The following TENM1 variants were observed in gnomAD, a reference collection of about 807,000 sequenced individuals.
TENM1 encodes teneurin-1.
TENM1 carries 35 observed loss-of-function variants against 174.8 expected under a neutral mutation model. The observed-to-expected ratio is 0.20, with a 90% CI of 0.15 to 0.27. The LOEUF (loss-of-function observed/expected upper bound fraction) is 0.27, where lower values mean the gene tolerates loss of function less well. TENM1 is among the 10% of genes least tolerant of loss of function. The pLI, the probability that TENM1 is intolerant of heterozygous loss-of-function variation, is 1.00. For missense variants in TENM1, 1,633 were observed against 2,130.1 expected, an observed-to-expected ratio of 0.77 and a Z score of 4.59; for synonymous variants, 781 against 798.7, an observed-to-expected ratio of 0.98 and a Z score of 0.37.
At chrX:124,490,022 T>G (rs1171734712) in intron 20 of TENM1, among the ~76,000 whole-genome samples, 1 of 111,775 alleles carries the variant, frequency 8.9e-6, no homozygotes, top group Admixed American at 9.5e-5. Flanking sequence ...TGTCCTGTTT[T>G]AGGGCCCTGT....
At chrX:125,060,757 T>C in the TENM1 span, among the ~76,000 whole-genome samples, 1 of 110,609 alleles carries the variant, frequency 9.0e-6, no homozygotes, top group Admixed American at 9.7e-5. Context: ...AACTTCCCTC[T>C]GGGAACCATA....
the TENM1 span, among the ~76,000 whole-genome samples, chrX:124,974,458 G>C: frequency 1.8e-5 from 2 of 111,587 alleles, no homozygotes; most frequent in Non-Finnish European, 3.8e-5. Context: ...AAACTGATTT[G>C]ACTCAATTGC....
chrX:124,612,269 C>T (rs1013244292), intron 11 of TENM1, among the ~76,000 whole-genome samples: 4 of 110,420 alleles, frequency 3.6e-5, no homozygotes, highest in Non-Finnish European at 7.6e-5. Context: ...ACATCAAAAC[C>T]ACTGGGGTGG....
intron 11 of TENM1, among the ~76,000 whole-genome samples, chrX:124,587,275 C>G (rs961265070): frequency 1.8e-5 from 2 of 110,422 alleles, no homozygotes; most frequent in Non-Finnish European, 3.8e-5. Flanking sequence ...ATCATGCTAC[C>G]TGACTTCAAA....
intron 1 of TENM1, among the ~76,000 whole-genome samples, chrX:124,910,351 A>G (rs1268208558): frequency 8.9e-6 from 1 of 112,371 alleles, no homozygotes; most frequent in Non-Finnish European, 1.9e-5. Context: ...TTAAAAAACA[A>G]TGGACAATCT....
rs112066562 is a variant in TENM1, at chrX:124,472,016, T to G, written c.3949+9716A>C. Among the ~76,000 whole-genome samples, 5 of 107,559 alleles carry G rather than the reference T, an allele frequency of 4.6e-5. No homozygotes were observed. In the East Asian group the frequency reaches 1.4e-3, roughly 31 times the overall value. 93.4% of individuals were successfully genotyped at this position (107,559 alleles called of 115,157 possible). A position where few individuals can be genotyped will look rare whatever the true frequency, so the allele number is the denominator to read the frequency against. On this transcript the variant is annotated intron_variant, in intron 22 of 31. Transcript: ENST00000422452. ...TGAAATCTTAAAAAACAATAATAAA[T>G]CTGGTGAATAGTAGGTCTGCTTTAA...
intron 8 of TENM1, among the ~76,000 whole-genome samples, chrX:124,647,730 GGT>G (rs113751818): frequency 1.1e-3 from 115 of 103,591 alleles, no homozygotes; most frequent in South Asian, 6.3e-3. Flanking sequence ...TTTTTTTTGT[GGT>G]GTGTGTGTGT....
At chrX:124,789,639 A>G (rs1161473851) in intron 3 of TENM1, among the ~76,000 whole-genome samples, 1 of 111,496 alleles carries the variant, frequency 9.0e-6, no homozygotes, top group Non-Finnish European at 1.9e-5. Context: ...TTGCTAAAAC[A>G]TAACGAGAGT....
exon 15 of TENM1, chrX:124,546,878 T>A: frequency 1.7e-6 from 2 of 1,195,518 alleles, no homozygotes; most frequent in South Asian, 3.5e-5. Context: ...ATGTACCTGC[T>A]GTCAAATGAC....
At position 124,757,593 on chromosome X, in the gene TENM1, G is replaced by T. The variant is rs189812981; in HGVS notation, c.536-20396C>A. 2.5e-3 allele frequency among the ~76,000 whole-genome samples: 286 copies of T among 112,328 alleles called. 1 individual carries two copies. Among genetic ancestry groups the T allele is most frequent in the African/African-American group, 9.0e-3 (277 of 30,891 alleles). On this transcript the variant is annotated intron_variant, in intron 3 of 31. Transcript: ENST00000422452. ...ATCAGCCGTCTTCTGCGTCGCTCAC[G>T]CTGGGAGCTGTAGACTGGAGATGTT...
chrX:124,481,713 T>TATATATATA lies in TENM1; in HGVS notation c.3949+18_3949+19insTATATATAT, dbSNP rs67614153. Reference sequence around the variant, plus strand: ...CCCAAGGGTATATATATATATATATTTATTTATTTATTTTTTACCTCGAGG... The same window carrying TATATATATA: ...CCCAAGGGTATATATATATATATATTATATATATATATTTATTTATTTTTTACCTCGAGG... On this transcript the variant is annotated intron_variant, in intron 22 of 31. Coordinates refer to ENST00000422452, the Ensembl canonical transcript of TENM1. The TATATATATA allele has an allele frequency of 5.2e-3, 1,062 of 203,584 alleles. 9 individuals carry two copies. The highest frequency in any genetic ancestry group is 0.047 in the African/African-American group (665 of 14,032). The allele number at this position is 203,584 out of a possible 1,213,427, so 16.8% of individuals were successfully genotyped here.
At chrX:124,591,168 T>C (rs2049729768) in intron 11 of TENM1, among the ~76,000 whole-genome samples, 1 of 112,065 alleles carries the variant, frequency 8.9e-6, no homozygotes, top group Admixed American at 9.5e-5. Flanking sequence ...TGGATGGGTC[T>C]TGTTTTTTTA....
intron 3 of TENM1, among the ~76,000 whole-genome samples, chrX:124,806,251 T>G (rs915309992): frequency 9.0e-6 from 1 of 111,715 alleles, no homozygotes; most frequent in Non-Finnish European, 1.9e-5. Context: ...TTAGATTATT[T>G]AAGAGTATCT....
intron 3 of TENM1, among the ~76,000 whole-genome samples, chrX:124,839,006 T>C (rs983499533): frequency 1.4e-4 from 16 of 111,271 alleles, no homozygotes; most frequent in Admixed American, 3.8e-4. Context: ...AGGAAGTTCA[T>C]TGAAGCCCTG....
chrX:125,141,875 G>C, the TENM1 span, among the ~76,000 whole-genome samples: 1 of 110,950 alleles, frequency 9.0e-6, no homozygotes, highest in African/African-American at 3.3e-5. Flanking sequence ...GAGCATTTGA[G>C]CCAGCCAGAT....
rs190360627 is a variant in TENM1 at position 124,841,070 on chromosome X, T to C, written c.535+53226A>G. 2.1e-3 allele frequency among the ~76,000 whole-genome samples: 238 copies of C among 111,841 alleles called. 1 individual carries two copies. The highest frequency in any genetic ancestry group is 7.3e-3 in the African/African-American group (225 of 30,833). ...GAAAAGATATTTCTATGCCTAAAAT[T>C]ACCTTCAGAAAGTTTGTACTTGAGG... On this transcript the variant is annotated intron_variant, in intron 3 of 31. Transcript: ENST00000422452.
chrX:124,757,719 C>T (rs742327), intron 3 of TENM1, among the ~76,000 whole-genome samples: 15,565 of 111,956 alleles, frequency 0.14, 1,287 homozygotes, highest in African/African-American at 0.31. Context: ...AAAATCTAGT[C>T]TTAAAATTCG....
At chrX:124,751,320 A>G (rs1242001622) in intron 3 of TENM1, among the ~76,000 whole-genome samples, 1 of 111,942 alleles carries the variant, frequency 8.9e-6, no homozygotes, top group Non-Finnish European at 1.9e-5. Context: ...TACAATAAAA[A>G]GAATTATCTT....
At chrX:124,993,431 C>T in the TENM1 span, among the ~76,000 whole-genome samples, 4 of 110,883 alleles carry the variant, frequency 3.6e-5, no homozygotes, top group Non-Finnish European at 5.7e-5. Flanking sequence ...ACATGGTTAA[C>T]CCCTGATTAT....
Sources: gnomAD v4.1 joint callset for allele counts (sites outside exome capture counted in the v4.1 genomes callset) on GRCh38, gnomAD v4.1.1 for gene constraint, MANE v1.5 for transcripts, NCBI Gene and HGNC (gene_info 2026-07-23, HGNC 2026-07-21) for gene names.